Variants in MEIKIN observed in about 807,000 individuals in gnomAD.
MEIKIN encodes meiotic kinetochore factor, also known as meiosis-specific kinetochore protein.
intron 8 of MEIKIN, among the ~76,000 whole-genome samples, chr5:131,885,675 T>G (rs1299327460): frequency 1.3e-5 from 2 of 151,908 alleles, no homozygotes; most frequent in Non-Finnish European, 2.9e-5. Context: ...AAGCCCAGAG[T>G]GCAAAACTTA....
chr5:131,921,399 T>G (rs1013486330), intron 6 of MEIKIN, among the ~76,000 whole-genome samples: 1 of 151,886 alleles, frequency 6.6e-6, no homozygotes, highest in Non-Finnish European at 1.5e-5. Context: ...GGCTCACACC[T>G]GTAATCCCAG....
intron 11 of MEIKIN, among the ~76,000 whole-genome samples, chr5:131,821,897 T>G (rs1415664335): frequency 1.3e-5 from 2 of 152,016 alleles, no homozygotes; most frequent in African/African-American, 2.4e-5. Flanking sequence ...AGTGCTAGGA[T>G]TACAGACATG....
At chr5:131,935,082 A>T (rs1214732399) in intron 4 of MEIKIN, among the ~76,000 whole-genome samples, 2 of 151,660 alleles carry the variant, frequency 1.3e-5, no homozygotes, top group Non-Finnish European at 2.9e-5. Flanking sequence ...AAAGAAAAAA[A>T]AAAAGACAAG....
intron 10 of MEIKIN, among the ~76,000 whole-genome samples, chr5:131,853,015 A>T (rs1269878822): frequency 6.6e-6 from 1 of 152,166 alleles, no homozygotes; most frequent in Non-Finnish European, 1.5e-5. Context: ...TGAGCAGAGG[A>T]TTAACAAAAT....
chr5:131,844,030 C>CA (rs1217614079), intron 11 of MEIKIN, among the ~76,000 whole-genome samples: 3 of 152,048 alleles, frequency 2.0e-5, no homozygotes, highest in Admixed American at 2.0e-4. Context: ...ATGGTTACGG[C>CA]AGAATGTGAG....
intron 11 of MEIKIN, among the ~76,000 whole-genome samples, chr5:131,837,459 G>A (rs1020124404): frequency 6.6e-6 from 1 of 152,088 alleles, no homozygotes; most frequent in Admixed American, 6.6e-5. Context: ...CTATGGCCAT[G>A]TTAACGATGT....
intron 4 of MEIKIN, among the ~76,000 whole-genome samples, chr5:131,937,275 T>A (rs923053227): frequency 2.0e-5 from 3 of 152,178 alleles, no homozygotes; most frequent in African/African-American, 7.2e-5. Context: ...TTTGGCTGGG[T>A]AAGAATTCTA....
At chr5:131,874,884 A>T (rs1046225330) in intron 9 of MEIKIN, among the ~76,000 whole-genome samples, 15 of 152,220 alleles carry the variant, frequency 9.9e-5, no homozygotes, top group Non-Finnish European at 1.5e-5. Flanking sequence ...ACAGAACCAA[A>T]GACAAAAACC....
In MEIKIN at chr5:131,818,819, T is replaced by C. The variant is rs942744861; in HGVS notation, c.1020A>G (p.Ser340=). ...ASEICCIIRT[S]PGTRQVKNKG... is the part of the protein sequence containing the mutation. ...TATTTTTCACTTGTCTAGTTCCTGG[T>C]GATGTTCTAATAATACAACATATTT... The change falls in exon 12 of 13, where the codon TCA becomes TCG. Residue 340 remains serine (S), a synonymous_variant. Coordinates refer to ENST00000442687, the MANE Select transcript of MEIKIN (RefSeq NM_001303622.2). 5.0e-6 allele frequency: 2 copies of C among 398,076 alleles called. No homozygotes were observed. Among genetic ancestry groups the C allele is most frequent in the Admixed American group, 8.8e-5 (2 of 22,716 alleles). The allele number at this position is 398,076 out of a possible 1,614,324, so 24.7% of individuals were successfully genotyped here.
chr5:131,907,748 T>TACAGCTGA (rs1487792620), intron 8 of MEIKIN, among the ~76,000 whole-genome samples: 3 of 152,102 alleles, frequency 2.0e-5, no homozygotes, highest in African/African-American at 7.2e-5. Context: ...GGCATGCGCC[T>TACAGCTGA]GTAATCCCAG....
chr5:131,887,759 C>A (rs921896497), intron 8 of MEIKIN, among the ~76,000 whole-genome samples: 3 of 151,098 alleles, frequency 2.0e-5, no homozygotes, highest in African/African-American at 7.3e-5. Context: ...GCACAACATG[C>A]AGGTTTGTTA....
rs376870084 is a variant in MEIKIN, at chr5:131,823,467, A to AAGAG, written c.976-4608_976-4605dup. ...CTTCTGCTTGATCAGTTCTGCTGTT[A>AAGAG]AGAGACTCTGATGCATTCTTAAGTA... On this transcript the variant is annotated intron_variant, in intron 11 of 12. Coordinates refer to ENST00000442687, the MANE Select transcript of MEIKIN (RefSeq NM_001303622.2). 5.3e-3 allele frequency among the ~76,000 whole-genome samples: 800 copies of AAGAG among 152,014 alleles called. 12 individuals carry two copies. Among genetic ancestry groups the AAGAG allele is most frequent in the African/African-American group, 0.019 (779 of 41,454 alleles).
At chr5:131,878,734 G>A (rs1471932926) in intron 9 of MEIKIN, among the ~76,000 whole-genome samples, 1 of 151,946 alleles carries the variant, frequency 6.6e-6, no homozygotes, top group Admixed American at 6.6e-5. Flanking sequence ...AGCTTGGCGT[G>A]GTAGTGCATG....
rs1025674682 is a variant in MEIKIN, at chr5:131,882,018, A to T, written c.704-2970T>A. On this transcript the variant is annotated intron_variant, in intron 8 of 12. Coordinates refer to ENST00000442687, the MANE Select transcript of MEIKIN (RefSeq NM_001303622.2). ...CCCTATAGTGCTCCCATCTCAATAA[A>T]TGGTACCATCATTCATCCAATTTCT... Among the ~76,000 whole-genome samples, 7 of 152,270 alleles carry T rather than the reference A, an allele frequency of 4.6e-5. No homozygotes were observed. In the East Asian group the frequency reaches 1.2e-3, roughly 25 times the overall value.
chr5:131,880,013 G>A (rs776381728), intron 8 of MEIKIN, among the ~76,000 whole-genome samples: 8 of 151,986 alleles, frequency 5.3e-5, no homozygotes, highest in African/African-American at 1.9e-4. Context: ...TCCACCTCTC[G>A]GGTTCAAGCA....
chr5:131,908,638 A>T (rs1385124828), intron 8 of MEIKIN, among the ~76,000 whole-genome samples: 1 of 152,194 alleles, frequency 6.6e-6, no homozygotes, highest in Non-Finnish European at 1.5e-5. Flanking sequence ...AAGTCAAATT[A>T]TCTTTGTTTG....
intron 12 of MEIKIN, among the ~76,000 whole-genome samples, chr5:131,808,228 G>T (rs775336637): frequency 6.6e-6 from 1 of 152,152 alleles, no homozygotes; most frequent in Non-Finnish European, 1.5e-5. Context: ...GCTCATTAAA[G>T]ACTTTGCAAA....
intron 12 of MEIKIN, among the ~76,000 whole-genome samples, chr5:131,817,884 C>A (rs1773131498): frequency 6.6e-6 from 1 of 152,102 alleles, no homozygotes; most frequent in South Asian, 2.1e-4. Context: ...TGGCTATTTA[C>A]TCATAAAAAT....
chr5:131,902,058 T>A lies in MEIKIN; in HGVS notation c.703+9757A>T, dbSNP rs73259953. ...TGGTCCTTTAAAAGTGTATAGTACC[T>A]CCTCCCTCTCCCTGTCTCTCTTCTC... is the stretch of plus-strand genomic sequence containing the variant. On this transcript the variant is annotated intron_variant, in intron 8 of 12. Coordinates refer to ENST00000442687, the MANE Select transcript of MEIKIN (RefSeq NM_001303622.2). Among the ~76,000 whole-genome samples, 979 of 152,256 alleles carry A rather than the reference T, an allele frequency of 6.4e-3. 11 individuals carry two copies. Among genetic ancestry groups the A allele is most frequent in the African/African-American group, 0.019 (776 of 41,554 alleles).
Sources: allele counts gnomAD v4.1 joint callset (sites outside exome capture counted in the v4.1 genomes callset), GRCh38; gene constraint gnomAD v4.1.1; transcripts MANE v1.5; gene names NCBI Gene and HGNC (gene_info 2026-07-23, HGNC 2026-07-21).